The following FER variants were observed in gnomAD, a reference collection of about 807,000 sequenced individuals.
FER encodes the protein FER tyrosine kinase, also known as tyrosine-protein kinase Fer.
FER carries 63 observed loss-of-function variants against 111.0 expected under a neutral mutation model. The observed-to-expected ratio is 0.57, with a 90% CI of 0.46 to 0.70. FER has a LOEUF of 0.70. FER is among the 30% of genes least tolerant of loss of function. The pLI is 0.00. For synonymous variants in FER, 327 were observed against 313.9 expected (o/e 1.04, Z -0.44); for missense variants, 914 against 954.0 (o/e 0.96, Z 0.55).
chr5:108,758,159 T>C (rs113460200), intron 1 of FER, among the ~76,000 whole-genome samples: 281 of 152,308 alleles, frequency 1.8e-3, no homozygotes, highest in African/African-American at 6.1e-3. Context: ...ATGTGATTCT[T>C]CCATTTTCGG....
chr5:108,942,695 A>AT (rs1423348858), intron 10 of FER, among the ~76,000 whole-genome samples: 3 of 152,136 alleles, frequency 2.0e-5, no homozygotes, highest in Non-Finnish European at 4.4e-5. Context: ...TTATAAATGC[A>AT]TTTTTTTAAA....
intron 16 of FER, among the ~76,000 whole-genome samples, chr5:109,089,068 G>T (rs1253367517): frequency 6.6e-6 from 1 of 152,146 alleles, no homozygotes; most frequent in Non-Finnish European, 1.5e-5. Flanking sequence ...TTTGTATTTG[G>T]CATGGAAATA....
intron 12 of FER, among the ~76,000 whole-genome samples, chr5:108,956,682 A>G (rs1345914092): frequency 6.6e-6 from 1 of 151,654 alleles, no homozygotes; most frequent in African/African-American, 2.4e-5. Flanking sequence ...TAAATGCCTC[A>G]GGTTTTCTGC....
At chr5:108,956,734 A>G (rs1581387949) in intron 12 of FER, among the ~76,000 whole-genome samples, 1 of 151,656 alleles carries the variant, frequency 6.6e-6, no homozygotes, top group African/African-American at 2.4e-5. Context: ...TATAGTGTTG[A>G]GCTCCTGAAG....
intron 13 of FER, among the ~76,000 whole-genome samples, chr5:109,002,657 A>G (rs1277668556): frequency 6.6e-6 from 1 of 152,252 alleles, no homozygotes; most frequent in Admixed American, 6.5e-5. Context: ...CTGCACAGCA[A>G]AAGAAACTAC....
intron 3 of FER, among the ~76,000 whole-genome samples, chr5:108,827,049 C>T (rs1287811551): frequency 2.6e-5 from 4 of 152,106 alleles, no homozygotes; most frequent in Non-Finnish European, 5.9e-5. Flanking sequence ...TTGAGCTTTG[C>T]ACTTTATTAG....
chr5:109,061,640 C>T (rs1774428909), intron 16 of FER, among the ~76,000 whole-genome samples: 1 of 152,092 alleles, frequency 6.6e-6, no homozygotes, highest in Non-Finnish European at 1.5e-5. Flanking sequence ...ACATGAATCC[C>T]TATTTCATAA....
intron 13 of FER, among the ~76,000 whole-genome samples, chr5:108,987,133 T>C (rs1365980714): frequency 1.3e-5 from 2 of 152,164 alleles, no homozygotes; most frequent in African/African-American, 2.4e-5. Flanking sequence ...CAGCAGTGTT[T>C]TAGTGTTTTG....
intron 13 of FER, among the ~76,000 whole-genome samples, chr5:109,016,360 G>C (rs1348100418): frequency 6.6e-6 from 1 of 151,990 alleles, no homozygotes; most frequent in Non-Finnish European, 1.5e-5. Flanking sequence ...GATTGTCTTT[G>C]TTGATTAAAA....
At chr5:108,817,137 A>AAT (rs1758370825) in intron 3 of FER, among the ~76,000 whole-genome samples, 1 of 141,508 alleles carries the variant, frequency 7.1e-6, no homozygotes, top group Non-Finnish European at 1.5e-5. Context: ...AAAAAAAAAA[A>AAT]GCTTGCAGTT....
intron 3 of FER, among the ~76,000 whole-genome samples, chr5:108,817,877 G>C (rs1279326518): frequency 6.6e-6 from 1 of 152,066 alleles, no homozygotes; most frequent in Non-Finnish European, 1.5e-5. Flanking sequence ...ATTAATCTTA[G>C]TATAACTGGT....
At chr5:108,900,692 G>A (rs1384041228) in intron 10 of FER, among the ~76,000 whole-genome samples, 3 of 152,110 alleles carry the variant, frequency 2.0e-5, no homozygotes, top group South Asian at 2.1e-4. Flanking sequence ...CCGACTCTTC[G>A]GTGGTGAATG....
chr5:108,938,462 A>G (rs1026002291), intron 10 of FER, among the ~76,000 whole-genome samples: 22 of 152,106 alleles, frequency 1.4e-4, no homozygotes, highest in African/African-American at 5.1e-4. Flanking sequence ...TGAAGTTAGT[A>G]ATCATGTGAT....
At chr5:109,035,393 C>G (rs1770236058) in intron 13 of FER, among the ~76,000 whole-genome samples, 1 of 152,142 alleles carries the variant, frequency 6.6e-6, no homozygotes, top group Non-Finnish European at 1.5e-5. Flanking sequence ...GAATTAGTAT[C>G]TATGTATGTA....
intron 17 of FER, among the ~76,000 whole-genome samples, chr5:109,173,837 C>G (rs1757410043): frequency 6.7e-6 from 1 of 149,786 alleles, no homozygotes. Flanking sequence ...AGCGTCCTGA[C>G]AGGTAGCAGG....
intron 8 of FER, among the ~76,000 whole-genome samples, chr5:108,882,786 C>T (rs553458958): frequency 1.3e-5 from 2 of 151,380 alleles, no homozygotes; most frequent in African/African-American, 2.4e-5. Flanking sequence ...GAAATACTTC[C>T]GTTAAGGACT....
chr5:108,959,169 T>C, intron 12 of FER, 56 bp from the exon 13 acceptor site: 7 of 1,558,322 alleles, frequency 4.5e-6, no homozygotes, highest in Non-Finnish European at 6.1e-6. Flanking sequence ...TCAATGAATG[T>C]AGATTTTCTA....
chr5:108,813,282 TG>T (rs1757950196), intron 3 of FER, among the ~76,000 whole-genome samples: 2 of 152,156 alleles, frequency 1.3e-5, no homozygotes, highest in South Asian at 4.1e-4. Flanking sequence ...TTGTGCCTAA[TG>T]TTTTTTTCCT....
intron 17 of FER, among the ~76,000 whole-genome samples, chr5:109,106,565 G>C (rs370127857): frequency 3.9e-5 from 6 of 152,204 alleles, no homozygotes; most frequent in African/African-American, 1.4e-4. Context: ...CTATAATACA[G>C]AGAGGACTGC....
Sources: allele counts gnomAD v4.1 joint callset (sites outside exome capture counted in the v4.1 genomes callset), GRCh38; gene constraint gnomAD v4.1.1; transcripts MANE v1.5; gene names NCBI Gene and HGNC (gene_info 2026-07-23, HGNC 2026-07-21).